Variants in MICOS10 observed in about 807,000 individuals in gnomAD.
The protein encoded by MICOS10 is MICOS complex subunit MIC10.
MICOS10 carries 5 observed loss-of-function variants against 13.4 expected under a neutral mutation model. The observed-to-expected ratio is 0.37, with a 90% CI of 0.20 to 0.78. MICOS10 has a LOEUF of 0.78. MICOS10 is among the 30% of genes least tolerant of loss of function. The probability of loss-of-function intolerance (pLI) is 0.47; values close to 1 mark genes in which losing one functional copy is unlikely to be tolerated. For synonymous variants in MICOS10, 35 were observed against 33.6 expected (o/e 1.04, Z -0.15); for missense variants, 101 against 94.6 (o/e 1.07, Z -0.28).
chr1:19,604,975 G>T (rs991534969), intron 1 of MICOS10, among the ~76,000 whole-genome samples: 1 of 152,100 alleles, frequency 6.6e-6, no homozygotes, highest in Non-Finnish European at 1.5e-5. Context: ...GCACTTAACC[G>T]CATGCCAGGC....
At chr1:19,605,056 T>C (rs995816795) in intron 1 of MICOS10, among the ~76,000 whole-genome samples, 2 of 152,182 alleles carry the variant, frequency 1.3e-5, no homozygotes, top group African/African-American at 4.8e-5. Context: ...ATTTTTACAA[T>C]GGAAGCTCAT....
At chr1:19,608,770 T>G (rs906685358) in intron 1 of MICOS10, 2 of 483,316 alleles carry the variant, frequency 4.1e-6, no homozygotes, top group African/African-American at 4.0e-5. Context: ...ATGGCACCAT[T>G]AAGAAAACAA....
At chr1:19,608,365 G>A in intron 1 of MICOS10, 2 of 1,267,426 alleles carry the variant, frequency 1.6e-6, no homozygotes, top group Non-Finnish European at 2.3e-6. Flanking sequence ...TGGCCCAGAG[G>A]TGCAAGGAGC....
At chr1:19,602,563 G>A (rs2094819483) in intron 1 of MICOS10, among the ~76,000 whole-genome samples, 1 of 152,200 alleles carries the variant, frequency 6.6e-6, no homozygotes, top group Non-Finnish European at 1.5e-5. Context: ...CTTATTGCAG[G>A]AAATTAAAAA....
In MICOS10 at chr1:19,622,092, C is replaced by G; in HGVS notation, c.65-8C>G. On this transcript the variant is annotated splice_polypyrimidine_tract_variant and splice_region_variant and intron_variant, in intron 1 of 3. Transcript: ENST00000322753. ...GAGATTTAGCATGTTTTTTCTCCCT[C>G]TTTGTAGGTACTGGTTTTGGATTAG... is the stretch of plus-strand genomic sequence containing the variant. The G allele has an allele frequency of 1.9e-6, 3 of 1,608,314 alleles. No individual in the cohort carries two copies. The highest frequency in any genetic ancestry group is 2.6e-6 in the Non-Finnish European group (3 of 1,175,712).
In MICOS10 at chr1:19,621,704, G is replaced by A. The variant is rs2094904206; in HGVS notation, c.65-396G>A. ...AAGTAGCCATCACTCCAAGTGCTGA[G>A]GTGACAAGGGGAGCGTCCTGTTGGC... On this transcript the variant is annotated intron_variant, in intron 1 of 3. Transcript: ENST00000322753. Among the ~76,000 whole-genome samples, 4 of 152,180 alleles carry A rather than the reference G, an allele frequency of 2.6e-5. No homozygotes were observed. The South Asian group carries it at 8.3e-4, about 31-fold the overall frequency.
At chr1:19,608,305 A>T in intron 1 of MICOS10, 1 of 1,333,604 alleles carries the variant, frequency 7.5e-7, no homozygotes. Flanking sequence ...AGGTGAAGGC[A>T]GACCGAGATG....
chr1:19,608,290 G>T (rs749166832), intron 1 of MICOS10: 1 of 1,343,334 alleles, frequency 7.4e-7, no homozygotes, highest in Non-Finnish European at 1.1e-6. Flanking sequence ...TGACTGGTGG[G>T]ATGAAGGTGA....
At chr1:19,609,392 C>T (rs949645177) in intron 1 of MICOS10, among the ~76,000 whole-genome samples, 1 of 152,166 alleles carries the variant, frequency 6.6e-6, no homozygotes, top group African/African-American at 2.4e-5. Flanking sequence ...ATACACCGTT[C>T]ATTGGAATGG....
rs1198566051 is a variant in MICOS10, at chr1:19,611,970, C to CAAAAAA, written c.65-10120_65-10115dup. Among the ~76,000 whole-genome samples the CAAAAAA allele has an allele frequency of 7.8e-4, 71 of 91,398 alleles. 4 individuals are homozygous for CAAAAAA. The highest frequency in any genetic ancestry group is 2.5e-3 in the African/African-American group (52 of 21,100). The allele number at this position is 91,398 out of a possible 152,430, so 60.0% of individuals were successfully genotyped here. A position where few individuals can be genotyped will look rare whatever the true frequency, so the allele number is the denominator to read the frequency against. On this transcript the variant is annotated intron_variant, in intron 1 of 3. Transcript: ENST00000322753. ...CTGGTGACAGAGTGAGGCTCCATCTCAAAAAAAAAAAAAAAGATTTTTTTT... is the reference window on the plus strand; with the variant it reads ...CTGGTGACAGAGTGAGGCTCCATCTCAAAAAAAAAAAAAAAAAAAAAGATTTTTTTT...
In MICOS10 at chr1:19,611,469, A is replaced by ATTTTTTTTTTTTTTTTTT. The variant is rs768118529; in HGVS notation, c.65-10626_65-10609dup. On this transcript the variant is annotated intron_variant, in intron 1 of 3. Coordinates refer to ENST00000322753, the MANE Select transcript of MICOS10 (RefSeq NM_001032363.4). ...TTCTCTTTATTCCAGTTGCAACTTGATTTTTTTTTTTTTTTTTTTTTTGAG... is the reference window on the plus strand; with the variant it reads ...TTCTCTTTATTCCAGTTGCAACTTGATTTTTTTTTTTTTTTTTTTTTTTTTTTTTTTTTTTTTTTTGAG... Among the ~76,000 whole-genome samples, 2 of 90,372 alleles carry ATTTTTTTTTTTTTTTTTT rather than the reference A, an allele frequency of 2.2e-5. 1 individual carries two copies. Among genetic ancestry groups the ATTTTTTTTTTTTTTTTTT allele is most frequent in the African/African-American group, 1.0e-4 (2 of 19,306 alleles). The allele number at this position is 90,372 out of a possible 152,430, so 59.3% of individuals were successfully genotyped here.
At chr1:19,598,490 C>G (rs1364645477) in intron 1 of MICOS10, among the ~76,000 whole-genome samples, 5 of 151,996 alleles carry the variant, frequency 3.3e-5, no homozygotes, top group African/African-American at 4.8e-5. Flanking sequence ...TAAGAAAGGG[C>G]TTTGAGCTGG....
At chr1:19,603,788 A>T (rs1318373099) in intron 1 of MICOS10, among the ~76,000 whole-genome samples, 2 of 152,306 alleles carry the variant, frequency 1.3e-5, no homozygotes, top group East Asian at 3.9e-4. Context: ...TGAATTTTTG[A>T]TTTCAGAAAA....
intron 3 of MICOS10, 81 bp from the exon 4 acceptor site, chr1:19,626,306 G>C: frequency 6.3e-7 from 1 of 1,577,412 alleles, no homozygotes; most frequent in South Asian, 1.1e-5. Context: ...TGGCCCTTTG[G>C]GTCTGACCTG....
intron 1 of MICOS10, among the ~76,000 whole-genome samples, chr1:19,602,938 C>T (rs186070220): frequency 6.6e-5 from 10 of 152,126 alleles, no homozygotes; most frequent in Non-Finnish European, 1.2e-4. Context: ...TTTCAATTTC[C>T]CAAGGAAAAT....
rs1448332628 is a variant in MICOS10, at chr1:19,627,570, C to T, written c.*1169C>T. 6.6e-6 allele frequency: 1 copy of T among 152,152 alleles called. No homozygotes were observed. Among genetic ancestry groups the T allele is most frequent in the Non-Finnish European group, 1.5e-5 (1 of 68,016 alleles). The allele number at this position is 152,152 out of a possible 1,614,324, so 9.4% of individuals were successfully genotyped here. A position where few individuals can be genotyped will look rare whatever the true frequency, so the allele number is the denominator to read the frequency against. ...AAAGGAGAAGGAGCAACTATGTCTC[C>T]CTAGGATGGCCCCACAGGCGACGGA... On this transcript the variant is annotated 3_prime_UTR_variant, in exon 4 of 4. Transcript: ENST00000322753.
At position 19,628,950 on chromosome 1, in the gene MICOS10, A is replaced by G. The variant is rs1219337324; in HGVS notation, c.*2549A>G. On this transcript the variant is annotated 3_prime_UTR_variant, in exon 4 of 4. Coordinates refer to ENST00000322753, the MANE Select transcript of MICOS10 (RefSeq NM_001032363.4). ...AAGCACCACTGAAGTGCTCTGAGAA[A>G]GGGGTCAGCTGTCTGAGGGAATAGT... 2.6e-5 allele frequency: 4 copies of G among 152,236 alleles called. No individual in the cohort carries two copies. The highest frequency in any genetic ancestry group is 7.2e-5 in the African/African-American group (3 of 41,448). 9.4% of individuals were successfully genotyped at this position (152,236 alleles called of 1,614,324 possible).
intron 1 of MICOS10, chr1:19,608,379 G>C (rs1558340200): frequency 8.0e-7 from 1 of 1,252,636 alleles, no homozygotes; most frequent in Non-Finnish European, 1.2e-6. Flanking sequence ...AAGGAGCTGG[G>C]TATCATTGCC....
intron 1 of MICOS10, among the ~76,000 whole-genome samples, chr1:19,611,044 C>G (rs183009844): frequency 6.6e-6 from 1 of 151,864 alleles, no homozygotes; most frequent in Non-Finnish European, 1.5e-5. Flanking sequence ...CTCCACCTCC[C>G]GGGTTCAAGC....
Sources: allele counts gnomAD v4.1 joint callset (sites outside exome capture counted in the v4.1 genomes callset), GRCh38; gene constraint gnomAD v4.1.1; transcripts MANE v1.5; gene names NCBI Gene and HGNC (gene_info 2026-07-23, HGNC 2026-07-21).